ADAMTS2: variants seen among roughly 807,000 people sequenced by gnomAD.
ADAMTS2 encodes ADAM metallopeptidase with thrombospondin type 1 motif 2, also known as A disintegrin and metalloproteinase with thrombospondin motifs 2.
In ADAMTS2, 50 loss-of-function variants were observed where a neutral mutation model predicts 123.0. The ratio of observed to expected loss-of-function variants is 0.41; its 90% CI spans 0.32 to 0.51. ADAMTS2 has a LOEUF of 0.51. Among genes scored for constraint, ADAMTS2 ranks in the 20% least tolerant of loss-of-function variants. The pLI, the probability that ADAMTS2 is intolerant of heterozygous loss-of-function variation, is 0.35. For missense variants in ADAMTS2, 1,494 were observed against 1,705.2 expected, an observed-to-expected ratio of 0.88 and a Z score of 2.18; for synonymous variants, 678 against 695.4, an observed-to-expected ratio of 0.98 and a Z score of 0.39.
rs190663829 is a variant in ADAMTS2, at chr5:179,329,338, A to C, written c.534+14429T>G. 5.8e-3 allele frequency among the ~76,000 whole-genome samples: 870 copies of C among 150,738 alleles called. 2 individuals carry two copies. The highest frequency in any genetic ancestry group is 0.014 in the Middle Eastern group (4 of 294). On this transcript the variant is annotated intron_variant, in intron 2 of 21. Transcript: ENST00000251582. ...TGAGACTCCGTCTCAAAAAAAAAAA[A>C]AAAAACAAAACAAAACCCAGAAAGG...
chr5:179,199,334 C>T (rs76811347), intron 4 of ADAMTS2, among the ~76,000 whole-genome samples: 4,466 of 152,296 alleles, frequency 0.029, 166 homozygotes, highest in African/African-American at 0.088. Flanking sequence ...TTCCCCACGG[C>T]ATCTCAGGGC....
At position 179,181,585 on chromosome 5, in the gene ADAMTS2, G is replaced by A. The variant is rs550414336; in HGVS notation, c.892-430C>T. Among the ~76,000 whole-genome samples the A allele has an allele frequency of 6.6e-6, 1 of 152,250 alleles. No homozygotes were observed. The highest frequency in any genetic ancestry group is 2.4e-5 in the African/African-American group (1 of 41,564). On this transcript the variant is annotated intron_variant, in intron 4 of 21. Coordinates refer to ENST00000251582, the MANE Select transcript of ADAMTS2 (RefSeq NM_014244.5). The surrounding 1 kb of genome is among the most constrained non-coding windows in gnomAD (Gnocchi z 4.1). The stretch of plus-strand genomic sequence containing the variant: ...ACTCCAAGCTATAGCTGGTGGGTGT[G>A]GGGATTACCTACCTGCATCGCTACT...
intron 3 of ADAMTS2, among the ~76,000 whole-genome samples, chr5:179,235,819 G>A (rs1388943780): frequency 6.6e-6 from 1 of 152,204 alleles, no homozygotes; most frequent in South Asian, 2.1e-4. Flanking sequence ...GATCCTGGGG[G>A]TCTCCCTGCA....
intron 2 of ADAMTS2, among the ~76,000 whole-genome samples, chr5:179,319,206 C>A (rs1757087862): frequency 6.6e-6 from 1 of 152,216 alleles, no homozygotes; most frequent in South Asian, 2.1e-4. Context: ...TGCACACACA[C>A]ATCACTCATA....
At position 179,113,914 on chromosome 5, in the gene ADAMTS2, C is replaced by T. The variant is rs1383820285; in HGVS notation, c.3589G>A (p.Glu1197Lys). The T allele has an allele frequency of 1.2e-6, 2 of 1,614,024 alleles. No individual in the cohort carries two copies. The highest frequency in any genetic ancestry group is 2.2e-5 in the East Asian group (1 of 44,898). Reference protein sequence around the residue: ...YEKTRNQRIQELIDEMRKKEM... With the variant: ...YEKTRNQRIQKLIDEMRKKEM... The stretch of plus-strand genomic sequence containing the variant: ...TTCTTCCGCATCTCATCAATGAGCT[C>T]TTGGATTCTTTGGTTTCTGGTCTTT... The change falls in exon 22 of 22, where the codon GAG (glutamate) becomes AAG (lysine). Residue 1197 changes from glutamate (E) to lysine (K), a missense_variant. By Grantham distance (56) the Glu-to-Lys change is moderately conservative. This residue lies in a region of ADAMTS2 where 953 missense variants were observed against 1,124.7 expected (regional missense o/e 0.85). Coordinates refer to ENST00000251582, the MANE Select transcript of ADAMTS2 (RefSeq NM_014244.5).
At chr5:179,213,597 C>G (rs1234204585) in intron 3 of ADAMTS2, among the ~76,000 whole-genome samples, 3 of 152,128 alleles carry the variant, frequency 2.0e-5, no homozygotes. Flanking sequence ...CCGGAGGGGC[C>G]ACACTGGGGG....
At chr5:179,168,911 A>G (rs1162364985) in intron 5 of ADAMTS2, among the ~76,000 whole-genome samples, 1 of 151,942 alleles carries the variant, frequency 6.6e-6, no homozygotes, top group East Asian at 1.9e-4. Flanking sequence ...CTCTGCCAGA[A>G]CTCCCATATC....
rs1764015898 is a variant in ADAMTS2 at position 179,180,222 on chromosome 5, C to T, written c.975+850G>A. On this transcript the variant is annotated intron_variant, in intron 5 of 21. Coordinates refer to ENST00000251582, the MANE Select transcript of ADAMTS2 (RefSeq NM_014244.5). This position sits in a 1 kb window ranked among gnomAD's most constrained non-coding sequence, Gnocchi z 4.6. ...GGGCTCCTCTCTTCCTCTGTCTGCA[C>T]AGCATCCCGTGTTGCCATCCCAGGT... Among the ~76,000 whole-genome samples the T allele has an allele frequency of 6.6e-6, 1 of 152,216 alleles. No individual in the cohort carries two copies. Among genetic ancestry groups the T allele is most frequent in the South Asian group, 2.1e-4 (1 of 4,836 alleles).
At chr5:179,124,006 G>A (rs1386250183) in intron 19 of ADAMTS2, among the ~76,000 whole-genome samples, 1 of 152,214 alleles carries the variant, frequency 6.6e-6, no homozygotes, top group Admixed American at 6.5e-5. Context: ...CCACACATGG[G>A]TGCAGGGAGA....
At chr5:179,145,635 T>C (rs974922554) in intron 10 of ADAMTS2, among the ~76,000 whole-genome samples, 4 of 152,130 alleles carry the variant, frequency 2.6e-5, no homozygotes, top group African/African-American at 7.2e-5. Flanking sequence ...ATTCCATTGA[T>C]ATGAAATGTC....
chr5:179,299,492 G>GAT (rs1756446369), intron 2 of ADAMTS2, among the ~76,000 whole-genome samples: 3 of 146,100 alleles, frequency 2.1e-5, no homozygotes, highest in African/African-American at 5.1e-5. Flanking sequence ...TCACACCACA[G>GAT]CACTCCAGCC....
chr5:179,132,081 A>G lies in ADAMTS2; in HGVS notation c.2290+149T>C, dbSNP rs1409799865. The G allele has an allele frequency of 1.3e-6, 1 of 770,396 alleles. No individual in the cohort carries two copies. The highest frequency in any genetic ancestry group is 2.2e-6 in the Non-Finnish European group (1 of 452,516). 47.7% of individuals were successfully genotyped at this position (770,396 alleles called of 1,614,324 possible). A position where few individuals can be genotyped will look rare whatever the true frequency, so the allele number is the denominator to read the frequency against. On this transcript the variant is annotated intron_variant, in intron 15 of 21. Coordinates refer to ENST00000251582, the MANE Select transcript of ADAMTS2 (RefSeq NM_014244.5). This position sits in a 1 kb window ranked among gnomAD's most constrained non-coding sequence, Gnocchi z 6.1. ...CCTGGGAAAGGGCCCAGGTGGGCTG[A>G]GCAGAGGGACAGGTTGGGGAGGGGC...
intron 12 of ADAMTS2, among the ~76,000 whole-genome samples, chr5:179,136,734 G>T (rs1384093693): frequency 6.6e-6 from 1 of 151,740 alleles, no homozygotes; most frequent in African/African-American, 2.4e-5. Flanking sequence ...ACTTTGGGAG[G>T]CCGAGGCAGG....
At chr5:179,250,985 G>A (rs1167063652) in intron 3 of ADAMTS2, among the ~76,000 whole-genome samples, 2 of 152,212 alleles carry the variant, frequency 1.3e-5, no homozygotes, top group African/African-American at 2.4e-5. Context: ...GAAGGAGAAA[G>A]ACCTCTTCAG....
rs538950795 is a variant in ADAMTS2, at chr5:179,130,465, G to A, written c.2291-367C>T. 4.7e-4 allele frequency among the ~76,000 whole-genome samples: 72 copies of A among 152,336 alleles called. No individual in the cohort carries two copies. The highest frequency in any genetic ancestry group is 1.7e-3 in the African/African-American group (71 of 41,578). On this transcript the variant is annotated intron_variant, in intron 15 of 21. Coordinates refer to ENST00000251582, the MANE Select transcript of ADAMTS2 (RefSeq NM_014244.5). This position sits in a 1 kb window ranked among gnomAD's most constrained non-coding sequence, Gnocchi z 4.3. ...GGATGGCTGGGAGGGGTCTGTACGC[G>A]GTGCAGGGCATCTGCTGGACAGGCG...
Position 179,308,886 on chromosome 5 carries a change from C to CT in ADAMTS2, c.534+34880dup, listed in dbSNP as rs1756748973. On this transcript the variant is annotated intron_variant, in intron 2 of 21. Transcript: ENST00000251582. This position sits in a 1 kb window ranked among gnomAD's most constrained non-coding sequence, Gnocchi z 6.6. ...AAGCCCTCGGGGTACTGTTCCCTGC[C>CT]TTTAGCATCCCCCTCAGCTGCCCAT... Among the ~76,000 whole-genome samples, 1 of 152,196 alleles carries CT rather than the reference C, an allele frequency of 6.6e-6. No individual in the cohort carries two copies. Among genetic ancestry groups the CT allele is most frequent in the South Asian group, 2.1e-4 (1 of 4,830 alleles).
chr5:179,141,847 A>G (rs1277436923), intron 10 of ADAMTS2, among the ~76,000 whole-genome samples: 3 of 152,162 alleles, frequency 2.0e-5, no homozygotes, highest in Non-Finnish European at 4.4e-5. Context: ...GGCCCCACTC[A>G]TAGGGCACAA....
rs764478671 is a variant in ADAMTS2 at position 179,154,910 on chromosome 5, G to C, written c.1142C>G (p.Pro381Arg). Residue 381 changes from proline to arginine, a missense_variant, in exon 7 of 22, where the codon CCT becomes CGT. Physicochemically the swap from Pro to Arg is moderately radical, Grantham distance 103. Transcript: ENST00000251582. ...FGPSGMQGYA[P>R]VTGMCHPVRS... ...GACCGGATGGCACATGCCGGTGACA[G>C]GAGCATAGCCTGGGAGGAGACAAGA... 6.2e-7 allele frequency: 1 copy of C among 1,613,166 alleles called. No homozygotes were observed.
At chr5:179,252,805 G>A (rs1024930409) in intron 3 of ADAMTS2, among the ~76,000 whole-genome samples, 1 of 152,088 alleles carries the variant, frequency 6.6e-6, no homozygotes, top group African/African-American at 2.4e-5. Context: ...TCTGTGCTGG[G>A]TTTTTTGTCT....
Sources: allele counts gnomAD v4.1 joint callset (sites outside exome capture counted in the v4.1 genomes callset), GRCh38; gene constraint gnomAD v4.1.1; regional missense constraint gnomAD v4.1.1; non-coding constraint Gnocchi (gnomAD v3.1); transcripts MANE v1.5; gene names NCBI Gene and HGNC (gene_info 2026-07-23, HGNC 2026-07-21).